TANGO6: variants seen among roughly 807,000 people sequenced by gnomAD.
TANGO6 encodes transport and golgi organization 6 homolog, also known as transport and Golgi organization protein 6 homolog.
In TANGO6, 90 loss-of-function variants were observed where a neutral mutation model predicts 114.2. The observed-to-expected ratio is 0.79, with a 90% CI of 0.66 to 0.94. The LOEUF is 0.94. Ranked by LOEUF, TANGO6 falls within the 40% of genes least tolerant of loss-of-function variation. The pLI is 0.00. For synonymous variants in TANGO6, 477 were observed against 509.8 expected (o/e 0.94, Z 0.87); for missense variants, 1,274 against 1,315.3 (o/e 0.97, Z 0.49).
At chr16:68,944,873 A>G (rs1227178266) in intron 14 of TANGO6, among the ~76,000 whole-genome samples, 1 of 152,222 alleles carries the variant, frequency 6.6e-6, no homozygotes, top group African/African-American at 2.4e-5. Flanking sequence ...AAGAACAAAG[A>G]TAAGTTTAGA....
intron 15 of TANGO6, among the ~76,000 whole-genome samples, chr16:68,992,767 T>C (rs1193913887): frequency 1.3e-5 from 2 of 152,162 alleles, no homozygotes; most frequent in African/African-American, 4.8e-5. Flanking sequence ...TTGTATTCTA[T>C]GTTAAAAAAG....
At chr16:68,946,459 G>A (rs531308193) in intron 14 of TANGO6, among the ~76,000 whole-genome samples, 1 of 152,184 alleles carries the variant, frequency 6.6e-6, no homozygotes, top group South Asian at 2.1e-4. Flanking sequence ...CTCCCAAAGT[G>A]GGGGGATTAC....
In TANGO6 at chr16:68,843,542, C is replaced by T; in HGVS notation, c.-76C>T. 7.0e-7 allele frequency: 1 copy of T among 1,428,644 alleles called. No homozygotes were observed. Among genetic ancestry groups the T allele is most frequent in the Non-Finnish European group, 9.7e-7 (1 of 1,027,196 alleles). 88.5% of individuals were successfully genotyped at this position (1,428,644 alleles called of 1,614,324 possible). ...CCCATAGTGTGCCCAGAGCCTTCTG[C>T]CACACTTAACATGGCGGCGGCGGCG... On this transcript the variant is annotated 5_prime_UTR_variant, in exon 1 of 18. Coordinates refer to ENST00000261778, the MANE Select transcript of TANGO6 (RefSeq NM_024562.2).
At chr16:69,010,600 C>A (rs895573994) in intron 15 of TANGO6, among the ~76,000 whole-genome samples, 1 of 152,168 alleles carries the variant, frequency 6.6e-6, no homozygotes, top group Non-Finnish European at 1.5e-5. Context: ...AGCAATCTTC[C>A]TCTTGTCTGC....
intron 17 of TANGO6, among the ~76,000 whole-genome samples, chr16:69,074,009 C>T (rs9939748): frequency 0.14 from 21,579 of 151,414 alleles, 1,934 homozygotes; most frequent in African/African-American, 0.24. Context: ...GTCAGGCCCC[C>T]GACCTAGGAG....
intron 1 of TANGO6, among the ~76,000 whole-genome samples, chr16:68,856,570 A>C (rs1297116998): frequency 6.6e-6 from 1 of 152,224 alleles, no homozygotes; most frequent in Non-Finnish European, 1.5e-5. Context: ...TTTGAGCAGA[A>C]AGTACAGAGT....
At chr16:68,896,407 G>A (rs1384348387) in intron 7 of TANGO6, among the ~76,000 whole-genome samples, 3 of 151,958 alleles carry the variant, frequency 2.0e-5, no homozygotes, top group Non-Finnish European at 1.5e-5. Flanking sequence ...CAAGCCCCTG[G>A]GCTCAAGAGA....
chr16:68,898,738 G>T (rs1330595907), intron 7 of TANGO6, among the ~76,000 whole-genome samples: 2 of 152,126 alleles, frequency 1.3e-5, no homozygotes, highest in Non-Finnish European at 2.9e-5. Context: ...GTACTTGGAA[G>T]ATAAAAACCT....
intron 12 of TANGO6, among the ~76,000 whole-genome samples, chr16:68,921,772 G>C (rs1227984686): frequency 6.6e-6 from 1 of 152,002 alleles, no homozygotes; most frequent in Non-Finnish European, 1.5e-5. Context: ...AGACTCACCT[G>C]ACTGATATCA....
At chr16:68,944,800 T>C (rs1963396656) in intron 14 of TANGO6, among the ~76,000 whole-genome samples, 1 of 152,224 alleles carries the variant, frequency 6.6e-6, no homozygotes. Context: ...ATTTAAAACA[T>C]TTTGCAGAAG....
intron 15 of TANGO6, among the ~76,000 whole-genome samples, chr16:69,019,222 G>A (rs1191506520): frequency 2.0e-5 from 3 of 152,128 alleles, no homozygotes; most frequent in Non-Finnish European, 4.4e-5. Context: ...ATGTCCTTGT[G>A]CAGATATGTA....
intron 17 of TANGO6, among the ~76,000 whole-genome samples, chr16:69,052,238 G>C (rs2152237531): frequency 6.7e-6 from 1 of 149,326 alleles, no homozygotes. Flanking sequence ...GCAGGTGTGT[G>C]CCATTGCTCT....
At chr16:68,881,198 G>C (rs916976270) in intron 7 of TANGO6, among the ~76,000 whole-genome samples, 2 of 152,224 alleles carry the variant, frequency 1.3e-5, no homozygotes, top group African/African-American at 4.8e-5. Flanking sequence ...AAATGCCGCT[G>C]ATGAAAGCAT....
intron 14 of TANGO6, among the ~76,000 whole-genome samples, chr16:68,941,793 A>G (rs1963356738): frequency 6.6e-6 from 1 of 152,062 alleles, no homozygotes; most frequent in Admixed American, 6.6e-5. Context: ...AAGTTTCTCA[A>G]AGATATTAAA....
chr16:68,870,802 CTT>C (rs59539664), intron 4 of TANGO6, among the ~76,000 whole-genome samples: 2 of 144,186 alleles, frequency 1.4e-5, no homozygotes, highest in Non-Finnish European at 1.5e-5. Context: ...CAATGAATTT[CTT>C]TTTTTTTTTT....
At chr16:68,932,072 A>T (rs575632178) in intron 14 of TANGO6, among the ~76,000 whole-genome samples, 3 of 151,814 alleles carry the variant, frequency 2.0e-5, no homozygotes, top group African/African-American at 7.3e-5. Flanking sequence ...TAAAACTATT[A>T]TCAAAAAAAT....
At chr16:68,884,467 A>T (rs1962511142) in intron 7 of TANGO6, among the ~76,000 whole-genome samples, 1 of 152,200 alleles carries the variant, frequency 6.6e-6, no homozygotes, top group East Asian at 1.9e-4. Flanking sequence ...TTATGGAGAG[A>T]TAAGAAATTA....
Position 69,070,364 on chromosome 16 carries a change from G to A in TANGO6, c.3109-13121G>A, listed in dbSNP as rs143939627. On this transcript the variant is annotated intron_variant, in intron 17 of 17. Transcript: ENST00000261778. ...AAAAGATCTTGGGGCCAGGCGCAGT[G>A]GCTCACGCCTGTAATCCCAGCACTT... Among the ~76,000 whole-genome samples, 1,238 of 152,146 alleles carry A rather than the reference G, an allele frequency of 8.1e-3. 51 individuals are homozygous for A. Among genetic ancestry groups the A allele is most frequent in the East Asian group, 0.067 (344 of 5,162 alleles).
chr16:69,077,204 A>G (rs1960394371), intron 17 of TANGO6, among the ~76,000 whole-genome samples: 1 of 151,762 alleles, frequency 6.6e-6, no homozygotes, highest in African/African-American at 2.4e-5. Context: ...ATGCCTGGCT[A>G]ATTTTTATTT....
Sources: allele counts gnomAD v4.1 joint callset (sites outside exome capture counted in the v4.1 genomes callset), GRCh38; gene constraint gnomAD v4.1.1; transcripts MANE v1.5; gene names NCBI Gene and HGNC (gene_info 2026-07-23, HGNC 2026-07-21).